CTNNA3: variants seen among roughly 807,000 people sequenced by gnomAD.
CTNNA3 encodes the protein catenin alpha-3.
A neutral mutation model predicts 95.7 loss-of-function variants in CTNNA3; 76 were observed. That is an observed-to-expected ratio of 0.79 (90% CI 0.66 to 0.96). CTNNA3 has a LOEUF of 0.96. Ranked by LOEUF, CTNNA3 falls within the 40% of genes least tolerant of loss-of-function variation. The probability of loss-of-function intolerance (pLI) is 0.00; values close to 1 mark genes in which losing one functional copy is unlikely to be tolerated. For synonymous variants in CTNNA3, 431 were observed against 374.4 expected (o/e 1.15, Z -1.74); for missense variants, 1,191 against 1,089.8 (o/e 1.09, Z -1.31).
intron 5 of CTNNA3, among the ~76,000 whole-genome samples, chr10:67,236,246 G>C (rs1454959658): frequency 6.6e-6 from 1 of 150,416 alleles, no homozygotes; most frequent in Non-Finnish European, 1.5e-5. Flanking sequence ...CAATAGCAAA[G>C]ACTTGGAACC....
intron 5 of CTNNA3, among the ~76,000 whole-genome samples, chr10:67,385,240 G>A (rs1468617755): frequency 2.0e-5 from 3 of 152,194 alleles, no homozygotes; most frequent in African/African-American, 7.2e-5. Flanking sequence ...TAGAATAATG[G>A]CATCCCAGGG....
intron 5 of CTNNA3, among the ~76,000 whole-genome samples, chr10:67,330,312 C>T (rs1227097563): frequency 6.6e-6 from 1 of 152,106 alleles, no homozygotes; most frequent in Non-Finnish European, 1.5e-5. Context: ...CTGTAGGAGG[C>T]AGCATGAAGC....
intron 7 of CTNNA3, among the ~76,000 whole-genome samples, chr10:67,052,331 TC>T (rs1855155307): frequency 6.6e-6 from 1 of 151,482 alleles, no homozygotes; most frequent in Non-Finnish European, 1.5e-5. Context: ...TCTCTCTCTC[TC>T]TCTCTCTCTC....
intron 9 of CTNNA3, among the ~76,000 whole-genome samples, chr10:66,684,033 G>T (rs2132509719): frequency 6.6e-6 from 1 of 152,238 alleles, no homozygotes; most frequent in South Asian, 2.1e-4. Context: ...TGTGAGACAT[G>T]GCTCCTAAAA....
intron 9 of CTNNA3, among the ~76,000 whole-genome samples, chr10:66,671,870 A>C: frequency 6.6e-6 from 1 of 152,210 alleles, no homozygotes. Flanking sequence ...CTGTGAGGAT[A>C]AAATAGGATA....
chr10:67,705,392 T>C (rs1158632709), intron 1 of CTNNA3, among the ~76,000 whole-genome samples: 9 of 150,404 alleles, frequency 6.0e-5, no homozygotes, highest in Admixed American at 2.0e-4. Flanking sequence ...TGTCCAACAA[T>C]GATAGACTGG....
chr10:67,606,327 T>C (rs973404659), intron 3 of CTNNA3, among the ~76,000 whole-genome samples: 4 of 152,240 alleles, frequency 2.6e-5, no homozygotes, highest in African/African-American at 7.2e-5. Context: ...ATGAAATATA[T>C]GCTTTTATTA....
chr10:66,884,161 A>C (rs1844951477), intron 7 of CTNNA3, among the ~76,000 whole-genome samples: 1 of 152,122 alleles, frequency 6.6e-6, no homozygotes, highest in Non-Finnish European at 1.5e-5. Context: ...TATTCATGAG[A>C]GATCTGCCTC....
chr10:66,863,617 A>G (rs1259825111), intron 7 of CTNNA3, among the ~76,000 whole-genome samples: 4 of 152,172 alleles, frequency 2.6e-5, no homozygotes, highest in African/African-American at 9.7e-5. Context: ...TAGAGTTTTC[A>G]GTTTCTGAGA....
At chr10:65,946,062 T>TG (rs747465917) in intron 17 of CTNNA3, among the ~76,000 whole-genome samples, 1 of 152,192 alleles carries the variant, frequency 6.6e-6, no homozygotes, top group Non-Finnish European at 1.5e-5. Context: ...GGGTTTAAGA[T>TG]ATGGCTCTGC....
intron 1 of CTNNA3, among the ~76,000 whole-genome samples, chr10:67,759,272 C>T (rs930927563): frequency 1.3e-5 from 2 of 152,192 alleles, no homozygotes; most frequent in Admixed American, 6.5e-5. Context: ...AGTCCTCTCA[C>T]ATATGGTATC....
chr10:67,558,877 G>T (rs370118313), intron 3 of CTNNA3, among the ~76,000 whole-genome samples: 2 of 152,166 alleles, frequency 1.3e-5, no homozygotes, highest in African/African-American at 4.8e-5. Flanking sequence ...ACGGAGTCTC[G>T]CTGATTGCTA....
chr10:66,259,488 G>A (rs541109916), intron 13 of CTNNA3, among the ~76,000 whole-genome samples: 4 of 152,172 alleles, frequency 2.6e-5, no homozygotes, highest in African/African-American at 9.6e-5. Context: ...CTATCAAGCA[G>A]GCCATCCAGA....
At chr10:66,878,527 G>C (rs151003401) in intron 7 of CTNNA3, among the ~76,000 whole-genome samples, 112 of 152,230 alleles carry the variant, frequency 7.4e-4, no homozygotes, top group African/African-American at 2.6e-3. Context: ...ATGAACCAAA[G>C]TGTCTTCCTT....
At chr10:67,323,556 T>G (rs1841414759) in intron 5 of CTNNA3, among the ~76,000 whole-genome samples, 1 of 152,150 alleles carries the variant, frequency 6.6e-6, no homozygotes, top group Non-Finnish European at 1.5e-5. Flanking sequence ...GGTTCTCTAT[T>G]CTGTTCCACT....
At chr10:67,163,759 A>G (rs1861648544) in intron 7 of CTNNA3, among the ~76,000 whole-genome samples, 1 of 152,032 alleles carries the variant, frequency 6.6e-6, no homozygotes, top group African/African-American at 2.4e-5. Context: ...AATAATAACA[A>G]TTCCTGAACT....
intron 7 of CTNNA3, among the ~76,000 whole-genome samples, chr10:67,044,699 T>G (rs1487120636): frequency 6.6e-6 from 1 of 152,212 alleles, no homozygotes; most frequent in African/African-American, 2.4e-5. Flanking sequence ...GCACCTTTTT[T>G]TAAAAGAACT....
chr10:67,707,503 A>G (rs1232943375), intron 1 of CTNNA3, among the ~76,000 whole-genome samples: 1 of 152,254 alleles, frequency 6.6e-6, no homozygotes, highest in African/African-American at 2.4e-5. Context: ...CATCTTTGAT[A>G]TCATCCTTCA....
At chr10:67,204,240 G>A (rs1268410901) in intron 6 of CTNNA3, among the ~76,000 whole-genome samples, 1 of 152,110 alleles carries the variant, frequency 6.6e-6, no homozygotes, top group Non-Finnish European at 1.5e-5. Flanking sequence ...TAATGTTGGA[G>A]GAGGGGCTTG....
Sources: gnomAD v4.1 joint callset for allele counts (sites outside exome capture counted in the v4.1 genomes callset) on GRCh38, gnomAD v4.1.1 for gene constraint, MANE v1.5 for transcripts, NCBI Gene and HGNC (gene_info 2026-07-23, HGNC 2026-07-21) for gene names.